AUTS2: variants seen among roughly 807,000 people sequenced by gnomAD.
The protein encoded by AUTS2 is activator of transcription and developmental regulator AUTS2, also known as autism susceptibility gene 2 protein.
A neutral mutation model predicts 112.4 loss-of-function variants in AUTS2; 17 were observed. The ratio of observed to expected loss-of-function variants is 0.15; its 90% confidence interval spans 0.10 to 0.23. AUTS2 has a LOEUF of 0.23. AUTS2 is among the 10% of genes least tolerant of loss of function. The probability of loss-of-function intolerance (pLI) is 1.00; values close to 1 mark genes in which losing one functional copy is unlikely to be tolerated. For missense variants in AUTS2, 1,510 were observed against 1,701.6 expected (o/e 0.89, Z 1.98); for synonymous variants, 751 against 702.7 (o/e 1.07, Z -1.09).
At chr7:69,858,280 T>G (rs1044423486) in intron 1 of AUTS2, among the ~76,000 whole-genome samples, 18 of 152,232 alleles carry the variant, frequency 1.2e-4, no homozygotes, top group Admixed American at 3.9e-4. Flanking sequence ...GAGAATCACC[T>G]GGATGTCAGT....
intron 2 of AUTS2, among the ~76,000 whole-genome samples, chr7:70,095,614 A>G (rs754123646): frequency 1.3e-5 from 2 of 152,200 alleles, no homozygotes; most frequent in African/African-American, 4.8e-5. Context: ...AAAAAGATAC[A>G]TAGTCTCTGC....
chr7:69,885,205 T>C (rs1794221266), intron 1 of AUTS2, among the ~76,000 whole-genome samples: 1 of 152,226 alleles, frequency 6.6e-6, no homozygotes, highest in South Asian at 2.1e-4. Context: ...TATTTATAGC[T>C]TTCATCATTA....
At chr7:70,455,257 G>A (rs565544438) in intron 5 of AUTS2, among the ~76,000 whole-genome samples, 7 of 152,304 alleles carry the variant, frequency 4.6e-5, no homozygotes, top group Middle Eastern at 3.4e-3. Flanking sequence ...TGGGTGGGAA[G>A]AAGCCCCTAA....
chr7:69,966,141 G>A (rs1205220544), intron 2 of AUTS2, among the ~76,000 whole-genome samples: 1 of 152,120 alleles, frequency 6.6e-6, no homozygotes, highest in East Asian at 1.9e-4. Context: ...TGATGTTTTA[G>A]GTCTCAGCAA....
At chr7:69,748,382 C>T (rs1408741475) in intron 1 of AUTS2, among the ~76,000 whole-genome samples, 1 of 152,110 alleles carries the variant, frequency 6.6e-6, no homozygotes, top group African/African-American at 2.4e-5. Context: ...AATGTAATAG[C>T]AATTATTGTT....
chr7:70,732,897 A>C (rs189830309), intron 6 of AUTS2, among the ~76,000 whole-genome samples: 4 of 152,244 alleles, frequency 2.6e-5, no homozygotes, highest in Non-Finnish European at 5.9e-5. Flanking sequence ...CTTGAGGTAG[A>C]TGTGGCACAT....
intron 1 of AUTS2, among the ~76,000 whole-genome samples, chr7:69,869,682 A>G (rs1793394861): frequency 6.6e-6 from 1 of 150,940 alleles, no homozygotes; most frequent in East Asian, 1.9e-4. Flanking sequence ...CAAAGGATCC[A>G]TGACTCAATG....
chr7:69,860,914 T>G (rs1482639723), intron 1 of AUTS2, among the ~76,000 whole-genome samples: 1 of 152,214 alleles, frequency 6.6e-6, no homozygotes, highest in Non-Finnish European at 1.5e-5. Context: ...GAACTTCAGA[T>G]GTCCGATGTC....
chr7:70,043,466 T>TGAAA (rs1801334942), intron 2 of AUTS2, among the ~76,000 whole-genome samples: 1 of 152,140 alleles, frequency 6.6e-6, no homozygotes, highest in African/African-American at 2.4e-5. Context: ...CTCCTTCATT[T>TGAAA]TCTGAATGCA....
At chr7:70,662,029 G>A (rs1312127527) in intron 5 of AUTS2, among the ~76,000 whole-genome samples, 2 of 152,214 alleles carry the variant, frequency 1.3e-5, no homozygotes, top group East Asian at 3.9e-4. Flanking sequence ...CAGATTGAAA[G>A]GGTGAGCAGA....
intron 1 of AUTS2, among the ~76,000 whole-genome samples, chr7:69,601,787 GTC>G (rs1295534251): frequency 6.6e-6 from 1 of 151,998 alleles, no homozygotes; most frequent in East Asian, 1.9e-4. Flanking sequence ...ACCTCTTTCT[GTC>G]TCTCTCTCTT....
chr7:70,368,683 C>G (rs1792698591), intron 4 of AUTS2, among the ~76,000 whole-genome samples: 1 of 152,180 alleles, frequency 6.6e-6, no homozygotes, highest in Non-Finnish European at 1.5e-5. Context: ...AGTCACATGG[C>G]TACCTCTGAC....
In AUTS2 at chr7:70,067,322, TAAAG is replaced by T. The variant is rs1802541579; in HGVS notation, c.523-50806_523-50803del. On this transcript the variant is annotated intron_variant, in intron 2 of 18. Transcript: ENST00000342771. ...CTAAGAATGCAGTATACATAATAGT[TAAAG>T]AAATGCAATTAAAAGTAATAAGGAG... 3.3e-5 allele frequency among the ~76,000 whole-genome samples: 5 copies of T among 152,282 alleles called. 1 individual carries two copies. Among genetic ancestry groups the T allele is most frequent in the South Asian group, 4.1e-4 (2 of 4,824 alleles).
chr7:69,813,871 G>T (rs2129525227), intron 1 of AUTS2, among the ~76,000 whole-genome samples: 1 of 152,324 alleles, frequency 6.6e-6, no homozygotes, highest in East Asian at 1.9e-4. Context: ...GTGAACTAAG[G>T]TAGCTCTGTG....
intron 5 of AUTS2, among the ~76,000 whole-genome samples, chr7:70,677,506 G>A (rs552836405): frequency 1.3e-5 from 2 of 152,210 alleles, no homozygotes; most frequent in South Asian, 4.1e-4. Context: ...ACACTCGTGC[G>A]TTCCTTGAGG....
Position 69,901,778 on chromosome 7 carries a change from T to A in AUTS2, c.522+2280T>A, listed in dbSNP as rs77774349. 1.1e-4 allele frequency among the ~76,000 whole-genome samples: 17 copies of A among 152,340 alleles called. No individual in the cohort carries two copies. The East Asian group carries it at 3.1e-3, about 28-fold the overall frequency. The stretch of plus-strand genomic sequence containing the variant: ...TAGTAAGAAGGAATGCAGAAGGTGA[T>A]AATTGAGATAAGGCCATAATACTTC... On this transcript the variant is annotated intron_variant, in intron 2 of 18. Transcript: ENST00000342771.
intron 16 of AUTS2, chr7:70,785,383 T>TA: frequency 1.9e-6 from 1 of 517,220 alleles, no homozygotes; most frequent in South Asian, 1.5e-5. Context: ...AGGTCACCTC[T>TA]AGGAAGCGGA....
intron 4 of AUTS2, among the ~76,000 whole-genome samples, chr7:70,358,342 A>G (rs1792105059): frequency 6.6e-6 from 1 of 152,252 alleles, no homozygotes; most frequent in Non-Finnish European, 1.5e-5. Context: ...CCCACGCCTA[A>G]CATTTGCAAG....
chr7:69,609,297 G>C (rs182612537), intron 1 of AUTS2, among the ~76,000 whole-genome samples: 1 of 152,152 alleles, frequency 6.6e-6, no homozygotes, highest in Non-Finnish European at 1.5e-5. Context: ...TGATTGTAAA[G>C]CTTCCCATTT....
Sources: allele counts gnomAD v4.1 joint callset (sites outside exome capture counted in the v4.1 genomes callset), GRCh38; gene constraint gnomAD v4.1.1; transcripts MANE v1.5; gene names NCBI Gene and HGNC (gene_info 2026-07-23, HGNC 2026-07-21).